PLCD3: variants seen among roughly 807,000 people sequenced by gnomAD.
PLCD3 encodes phospholipase C delta 3.
PLCD3 carries 62 observed loss-of-function variants against 82.8 expected under a neutral mutation model. That is an observed-to-expected ratio of 0.75 (90% CI 0.61 to 0.93). The LOEUF (loss-of-function observed/expected upper bound fraction) is 0.93, where lower values mean the gene tolerates loss of function less well. PLCD3 is among the 40% of genes least tolerant of loss of function. The pLI is 0.00. For synonymous variants in PLCD3, 478 were observed against 471.8 expected (o/e 1.01, Z -0.17); for missense variants, 1,023 against 1,103.4 (o/e 0.93, Z 1.03).
intron 7 of PLCD3, 32 bp from the exon 8 acceptor site, chr17:45,116,816 C>G: frequency 6.6e-7 from 1 of 1,526,386 alleles, no homozygotes; most frequent in Non-Finnish European, 8.8e-7. Context: ...CTCAGAGCCA[C>G]TCCCCTCCCT....
rs56322817 is a variant in PLCD3, at chr17:45,122,323, A to G, written c.164-951T>C. On this transcript the variant is annotated intron_variant, in intron 1 of 14. Transcript: ENST00000619929. ...GCCACTGCACTCCAGCTTGGGCAACAGAGTGAGACTCTGTCTCTAAAAAAT... is the reference window on the plus strand; with the variant it reads ...GCCACTGCACTCCAGCTTGGGCAACGGAGTGAGACTCTGTCTCTAAAAAAT... Among the ~76,000 whole-genome samples, 282 of 152,350 alleles carry G rather than the reference A, an allele frequency of 1.9e-3. 2 individuals are homozygous for G. Among genetic ancestry groups the G allele is most frequent in the African/African-American group, 6.3e-3 (264 of 41,576 alleles).
intron 1 of PLCD3, among the ~76,000 whole-genome samples, chr17:45,128,529 G>A (rs1203311911): frequency 1.3e-5 from 2 of 152,362 alleles, no homozygotes; most frequent in East Asian, 3.9e-4. Flanking sequence ...CTCACCCTGC[G>A]GAAGACATCC....
intron 7 of PLCD3, 65 bp downstream of exon 7, chr17:45,117,929 T>C (rs1201777027): frequency 3.2e-6 from 5 of 1,582,972 alleles, no homozygotes; most frequent in Non-Finnish European, 4.3e-6. Flanking sequence ...GCAGCTGGCA[T>C]GTGAGTGCGG....
intron 1 of PLCD3, among the ~76,000 whole-genome samples, chr17:45,123,338 C>T (rs1450251905): frequency 1.3e-5 from 2 of 152,212 alleles, no homozygotes; most frequent in Admixed American, 6.5e-5. Flanking sequence ...CCACTAACAG[C>T]ACTTTTTGCT....
chr17:45,120,328 G>A lies in PLCD3; in HGVS notation c.681C>T (p.Phe227=), dbSNP rs1280132352. 8 of 1,613,970 alleles carry A rather than the reference G, an allele frequency of 5.0e-6. No homozygotes were observed. The highest frequency in any genetic ancestry group is 5.1e-6 in the Non-Finnish European group (6 of 1,179,848). The change falls in exon 4 of 15, where the codon TTC becomes TTT. Residue 227 remains phenylalanine, a synonymous_variant. Transcript: ENST00000619929. The part of the protein sequence containing the change: ...DMNDMYAYLL[F]KECDHSNNDR... ...GGGGTTCAGGGCGGAAGCCCACCTT[G>A]AAGAGGAGGTAGGCGTACATGTCGT...
Position 45,118,249 on chromosome 17 carries a change from C to G in PLCD3, c.1115+42G>C. On this transcript the variant is annotated intron_variant, in intron 6 of 14. Coordinates refer to ENST00000619929, the MANE Select transcript of PLCD3 (RefSeq NM_133373.5). The surrounding 1 kb of genome is among the most constrained non-coding windows in gnomAD (Gnocchi z 4.1). ...CCAGGAAGCCAGCCCATGTCTCTCC[C>G]CAGGTGGGGCTCCCGGAAACATTCA... is the stretch of plus-strand genomic sequence containing the variant. The G allele has an allele frequency of 6.2e-7, 1 of 1,612,822 alleles. No individual in the cohort carries two copies. Among genetic ancestry groups the G allele is most frequent in the African/African-American group, 1.3e-5 (1 of 75,032 alleles).
In PLCD3 at chr17:45,132,439, G is replaced by C; in HGVS notation, c.-29C>G. ...TTGGCGGGGGGCCGGGGCCGGGCCC[G>C]GGGTCTGCACGCGGGGACAGGGCAG... On this transcript the variant is annotated 5_prime_UTR_variant, in exon 1 of 15. Coordinates refer to ENST00000619929, the MANE Select transcript of PLCD3 (RefSeq NM_133373.5). This position sits in a 1 kb window ranked among gnomAD's most constrained non-coding sequence, Gnocchi z 4.6. 1 of 1,184,644 alleles carries C rather than the reference G, an allele frequency of 8.4e-7. No homozygotes were observed. The highest frequency in any genetic ancestry group is 1.0e-6 in the Non-Finnish European group (1 of 955,048). The allele number at this position is 1,184,644 out of a possible 1,614,324, so 73.4% of individuals were successfully genotyped here.
chr17:45,110,791 C>G lies in PLCD3; in HGVS notation c.*1825G>C, dbSNP rs1281508527. On this transcript the variant is annotated 3_prime_UTR_variant, in exon 15 of 15. Transcript: ENST00000619929. ...GCCTGGCCCGGCCCGCCTGGCTCGG[C>G]CCATTCCTTCTGGGCCCTTTTGATT... 2 of 152,284 alleles carry G rather than the reference C, an allele frequency of 1.3e-5. No individual in the cohort carries two copies. The highest frequency in any genetic ancestry group is 1.3e-4 in the Admixed American group (2 of 15,290). 9.4% of individuals were successfully genotyped at this position (152,284 alleles called of 1,614,324 possible).
chr17:45,128,516 C>G (rs538920096), intron 1 of PLCD3, among the ~76,000 whole-genome samples: 1 of 152,234 alleles, frequency 6.6e-6, no homozygotes, highest in Non-Finnish European at 1.5e-5. Flanking sequence ...CACAGCAGTC[C>G]CACTCACCCT....
chr17:45,120,822 GGGGGCTCTCCAAGGAT>G (rs1468231399), intron 3 of PLCD3, 64 bp downstream of exon 3: 45 of 1,365,682 alleles, frequency 3.3e-5, no homozygotes, highest in Middle Eastern at 1.9e-4. Flanking sequence ...CCCTGGGCGT[GGGGGCTCTCCAAGGAT>G]GGGGCTCTCC....
rs955501841 is a variant in PLCD3, at chr17:45,111,024, A to G, written c.*1592T>C. The G allele has an allele frequency of 1.3e-5, 2 of 152,240 alleles. No individual in the cohort carries two copies. The highest frequency in any genetic ancestry group is 2.9e-5 in the Non-Finnish European group (2 of 68,064). The allele number at this position is 152,240 out of a possible 1,614,324, so 9.4% of individuals were successfully genotyped here. ...AGTTCCAGGCCACCCTCTGGGGACT[A>G]ATGTCAAGTTCTGCCCTTGTCCAGT... On this transcript the variant is annotated 3_prime_UTR_variant, in exon 15 of 15. Transcript: ENST00000619929.
In PLCD3 at chr17:45,118,718, G is replaced by T; in HGVS notation, c.913+97C>A. 1 of 1,309,464 alleles carries T rather than the reference G, an allele frequency of 7.6e-7. No homozygotes were observed. The highest frequency in any genetic ancestry group is 1.0e-6 in the Non-Finnish European group (1 of 964,342). The allele number at this position is 1,309,464 out of a possible 1,614,324, so 81.1% of individuals were successfully genotyped here. A position where few individuals can be genotyped will look rare whatever the true frequency, so the allele number is the denominator to read the frequency against. On this transcript the variant is annotated intron_variant, in intron 5 of 14. Coordinates refer to ENST00000619929, the MANE Select transcript of PLCD3 (RefSeq NM_133373.5). The surrounding 1 kb of genome is among the most constrained non-coding windows in gnomAD (Gnocchi z 4.1). ...GAGTCTGGAGGAGGTGAGGTAACCTGCCCGAGATGATGCCCGCGCCAGCCC... is the reference window on the plus strand; with the variant it reads ...GAGTCTGGAGGAGGTGAGGTAACCTTCCCGAGATGATGCCCGCGCCAGCCC...
At position 45,118,932 on chromosome 17, in the gene PLCD3, C is replaced by A; in HGVS notation, c.796G>T (p.Glu266Ter). ...TCAGGGGCACTCAGCACGCGGTCCT[C>A]GCCCGAGTACTGATGGAAGATCTCC... ...LEEIFHQYSGEDRVLSAPELL... is the reference protein window; with the variant it reads ...LEEIFHQYSG The change falls in exon 5 of 15, where the codon GAG (glutamate) becomes TAG (stop). Residue 266 changes from glutamate to a stop codon, truncating the protein, a stop_gained. Transcript: ENST00000619929. LOFTEE classifies it high-confidence loss of function. This position sits in a 1 kb window ranked among gnomAD's most constrained non-coding sequence, Gnocchi z 4.1. The A allele has an allele frequency of 6.2e-7, 1 of 1,612,684 alleles. No homozygotes were observed. Among genetic ancestry groups the A allele is most frequent in the Non-Finnish European group, 8.5e-7 (1 of 1,179,708 alleles).
At chr17:45,115,936 G>C (rs2054287395) in intron 8 of PLCD3, among the ~76,000 whole-genome samples, 1 of 152,242 alleles carries the variant, frequency 6.6e-6, no homozygotes, top group Admixed American at 6.5e-5. Context: ...TCTTGTGAAA[G>C]AGGACAGGTC....
rs577872681 is a variant in PLCD3, at chr17:45,127,373, C to T, written c.163+4875G>A. Among the ~76,000 whole-genome samples, 22 of 152,314 alleles carry T rather than the reference C, an allele frequency of 1.4e-4. 1 individual carries two copies. The South Asian group carries it at 3.9e-3, about 27-fold the overall frequency. On this transcript the variant is annotated intron_variant, in intron 1 of 14. Coordinates refer to ENST00000619929, the MANE Select transcript of PLCD3 (RefSeq NM_133373.5). ...ATCTCAGCCTCAGAGAGGGGTCAGG[C>T]GTGCTGAGGAAAGGGCAGGCCCAGT...
chr17:45,128,697 G>A (rs2054399274), intron 1 of PLCD3, among the ~76,000 whole-genome samples: 1 of 152,254 alleles, frequency 6.6e-6, no homozygotes, highest in South Asian at 2.1e-4. Flanking sequence ...ACACGGGGCT[G>A]TGGGGACACA....
intron 7 of PLCD3, 68 bp downstream of exon 7, chr17:45,117,926 G>T: frequency 6.3e-7 from 1 of 1,576,254 alleles, no homozygotes; most frequent in South Asian, 1.1e-5. Flanking sequence ...AGGGCAGCTG[G>T]CATGTGAGTG....
rs1025560311 is a variant in PLCD3, at chr17:45,109,745, C to T, written c.*2871G>A. ...AGCTTTGGGCTGAGAGAACATAGCC[C>T]TATGTGTTGTTTCTACCCATGGGCC... On this transcript the variant is annotated 3_prime_UTR_variant, in exon 15 of 15. Transcript: ENST00000619929. 6.6e-6 allele frequency: 1 copy of T among 152,384 alleles called. No homozygotes were observed. The highest frequency in any genetic ancestry group is 6.5e-5 in the Admixed American group (1 of 15,290). 9.4% of individuals were successfully genotyped at this position (152,384 alleles called of 1,614,324 possible). A position where few individuals can be genotyped will look rare whatever the true frequency, so the allele number is the denominator to read the frequency against.
At chr17:45,119,989 C>T in intron 4 of PLCD3, among the ~76,000 whole-genome samples, 1 of 152,266 alleles carries the variant, frequency 6.6e-6, no homozygotes, top group East Asian at 1.9e-4. Context: ...CACATGCACA[C>T]CTGTAGGCTG....
Sources: gnomAD v4.1 joint callset for allele counts (sites outside exome capture counted in the v4.1 genomes callset) on GRCh38, gnomAD v4.1.1 for gene constraint, Gnocchi (gnomAD v3.1) non-coding constraint, MANE v1.5 for transcripts, NCBI Gene and HGNC (gene_info 2026-07-23, HGNC 2026-07-21) for gene names.